CCSER1: variants seen among roughly 807,000 people sequenced by gnomAD.
CCSER1 encodes the protein serine-rich coiled-coil domain-containing protein 1.
A neutral mutation model predicts 82.0 loss-of-function variants in CCSER1; 41 were observed. That is an observed-to-expected ratio of 0.50 (90% CI 0.39 to 0.65). The LOEUF is 0.65. Among genes scored for constraint, CCSER1 ranks in the 30% least tolerant of loss-of-function variants. The probability of loss-of-function intolerance (pLI) is 0.00; values close to 1 mark genes in which losing one functional copy is unlikely to be tolerated. For missense variants in CCSER1, 1,119 were observed against 1,064.2 expected, an observed-to-expected ratio of 1.05 and a Z score of -0.72; for synonymous variants, 414 against 383.9, an observed-to-expected ratio of 1.08 and a Z score of -0.92.
At chr4:91,333,706 A>T (rs1747115431) in intron 10 of CCSER1, among the ~76,000 whole-genome samples, 1 of 152,198 alleles carries the variant, frequency 6.6e-6, no homozygotes, top group South Asian at 2.1e-4. Context: ...TTTCATAATT[A>T]AAAAATACAG....
At chr4:90,852,897 A>G (rs960323774) in intron 8 of CCSER1, among the ~76,000 whole-genome samples, 1 of 151,786 alleles carries the variant, frequency 6.6e-6, no homozygotes, top group Non-Finnish European at 1.5e-5. Context: ...ATGGTTCAAA[A>G]CTCTCTTTAG....
chr4:91,517,768 G>T (rs1760217232), intron 10 of CCSER1, among the ~76,000 whole-genome samples: 1 of 140,236 alleles, frequency 7.1e-6, no homozygotes, highest in Non-Finnish European at 1.6e-5. Flanking sequence ...GTGTGTGTGT[G>T]TGTGTGTGTG....
intron 8 of CCSER1, among the ~76,000 whole-genome samples, chr4:90,826,569 T>C (rs756959160): frequency 2.6e-5 from 4 of 152,226 alleles, no homozygotes; most frequent in Non-Finnish European, 5.9e-5. Flanking sequence ...TTACTTTTTA[T>C]AATACAATTG....
intron 1 of CCSER1, among the ~76,000 whole-genome samples, chr4:90,250,156 C>T (rs147678285): frequency 1.3e-3 from 198 of 152,070 alleles, no homozygotes; most frequent in African/African-American, 3.1e-3. Flanking sequence ...CTATGGTTTG[C>T]GAATATTTTC....
intron 10 of CCSER1, among the ~76,000 whole-genome samples, chr4:91,575,936 T>G (rs1029591983): frequency 1.3e-5 from 2 of 151,954 alleles, no homozygotes; most frequent in African/African-American, 4.8e-5. Flanking sequence ...ATGAAAAAAC[T>G]GTACGAAGCT....
chr4:90,359,755 T>A (rs1413417769), intron 3 of CCSER1, among the ~76,000 whole-genome samples: 1 of 150,732 alleles, frequency 6.6e-6, no homozygotes, highest in Non-Finnish European at 1.5e-5. Flanking sequence ...TAAAAATAAA[T>A]AAAATAAATA....
intron 10 of CCSER1, among the ~76,000 whole-genome samples, chr4:91,143,163 T>A (rs573518955): frequency 3.3e-5 from 5 of 152,118 alleles, no homozygotes; most frequent in Admixed American, 6.6e-5. Context: ...CTTTCAGCAG[T>A]TTTTTGTAGT....
intron 10 of CCSER1, among the ~76,000 whole-genome samples, chr4:91,250,760 A>C (rs1027193253): frequency 6.6e-6 from 1 of 151,786 alleles, no homozygotes; most frequent in African/African-American, 2.4e-5. Context: ...ATGCAAACCT[A>C]TGTTGGTGAG....
At chr4:90,428,901 A>G (rs1757887107) in intron 4 of CCSER1, among the ~76,000 whole-genome samples, 1 of 151,882 alleles carries the variant, frequency 6.6e-6, no homozygotes, top group African/African-American at 2.4e-5. Context: ...ACAACTGAAT[A>G]TAATGTGGTA....
intron 10 of CCSER1, among the ~76,000 whole-genome samples, chr4:91,404,128 G>A (rs552334394): frequency 1.0e-3 from 156 of 152,082 alleles, no homozygotes; most frequent in African/African-American, 3.4e-3. Context: ...ATCTTGGGAG[G>A]GTGTATGTGT....
intron 6 of CCSER1, among the ~76,000 whole-genome samples, chr4:90,700,963 G>C (rs1737976885): frequency 6.6e-6 from 1 of 152,112 alleles, no homozygotes; most frequent in Middle Eastern, 3.4e-3. Context: ...AGTTTCTTTT[G>C]CTGTGCAGAA....
intron 10 of CCSER1, among the ~76,000 whole-genome samples, chr4:91,334,593 T>TAA (rs1355291850): frequency 6.6e-6 from 1 of 151,844 alleles, no homozygotes; most frequent in Non-Finnish European, 1.5e-5. Context: ...CTAGAAAATC[T>TAA]ATAAAACATG....
At chr4:91,170,965 G>C (rs1732685190) in intron 10 of CCSER1, among the ~76,000 whole-genome samples, 1 of 152,188 alleles carries the variant, frequency 6.6e-6, no homozygotes, top group Admixed American at 6.5e-5. Flanking sequence ...ATGAGAAGCT[G>C]CTGGCCACAT....
intron 10 of CCSER1, among the ~76,000 whole-genome samples, chr4:91,188,903 A>G (rs1395421362): frequency 6.6e-6 from 1 of 152,172 alleles, no homozygotes; most frequent in Admixed American, 6.6e-5. Flanking sequence ...TATGTCCTCC[A>G]GAAAGAAAGA....
At chr4:90,503,647 G>A (rs1280284725) in intron 5 of CCSER1, among the ~76,000 whole-genome samples, 1 of 152,068 alleles carries the variant, frequency 6.6e-6, no homozygotes, top group African/African-American at 2.4e-5. Context: ...CCACCTATGA[G>A]TGAGAACATG....
intron 8 of CCSER1, among the ~76,000 whole-genome samples, chr4:90,919,070 T>C (rs969031017): frequency 9.7e-5 from 12 of 123,282 alleles, no homozygotes; most frequent in African/African-American, 3.6e-4. Context: ...TCTTAAGTAA[T>C]CTTAAATTGT....
chr4:90,466,917 A>G (rs150591174), intron 4 of CCSER1, among the ~76,000 whole-genome samples: 282 of 152,338 alleles, frequency 1.9e-3, no homozygotes, highest in Non-Finnish European at 3.3e-3. Context: ...GAATGTTCAT[A>G]GACAATTGAA....
At chr4:90,727,469 T>C (rs1365272806) in intron 7 of CCSER1, among the ~76,000 whole-genome samples, 1 of 152,178 alleles carries the variant, frequency 6.6e-6, no homozygotes, top group Non-Finnish European at 1.5e-5. Context: ...AATGTGCTCA[T>C]TCTATCCTTT....
chr4:90,283,270 C>CGTA (rs1729196725), intron 1 of CCSER1, among the ~76,000 whole-genome samples: 1 of 151,828 alleles, frequency 6.6e-6, no homozygotes, highest in Admixed American at 6.6e-5. Flanking sequence ...CATTGTATAC[C>CGTA]ACTAAGTATT....
Sources: gnomAD v4.1 joint callset for allele counts (sites outside exome capture counted in the v4.1 genomes callset) on GRCh38, gnomAD v4.1.1 for gene constraint, MANE v1.5 for transcripts, NCBI Gene and HGNC (gene_info 2026-07-23, HGNC 2026-07-21) for gene names.